The following GRB10 variants were observed in gnomAD, a reference collection of about 807,000 sequenced individuals.
GRB10 encodes growth factor receptor bound protein 10, also known as growth factor receptor-bound protein 10.
GRB10 carries 20 observed loss-of-function variants against 80.9 expected under a neutral mutation model. The ratio of observed to expected loss-of-function variants is 0.25; its 90% CI spans 0.17 to 0.36. The LOEUF (loss-of-function observed/expected upper bound fraction) is 0.36, where lower values mean the gene tolerates loss of function less well. GRB10 is among the 10% of genes least tolerant of loss of function. The pLI, the probability that GRB10 is intolerant of heterozygous loss-of-function variation, is 1.00. For missense variants in GRB10, 548 were observed against 747.7 expected (o/e 0.73, Z 3.12); for synonymous variants, 291 against 291.5 (o/e 1.00, Z 0.02).
At chr7:50,633,658 G>A (rs2529390) in intron 7 of GRB10, among the ~76,000 whole-genome samples, 79,860 of 151,574 alleles carry the variant, frequency 0.53, 21,154 homozygotes, top group Admixed American at 0.54. Context: ...AAAAAAACCA[G>A]AAGAGTAATT....
intron 2 of GRB10, among the ~76,000 whole-genome samples, chr7:50,780,004 A>C (rs1332920652): frequency 1.3e-5 from 2 of 152,166 alleles, no homozygotes; most frequent in African/African-American, 4.8e-5. Flanking sequence ...AGAAAGAAGC[A>C]AACGGGGCCA....
At chr7:50,755,000 T>C (rs1448698739) in intron 3 of GRB10, among the ~76,000 whole-genome samples, 1 of 152,188 alleles carries the variant, frequency 6.6e-6, no homozygotes, top group Non-Finnish European at 1.5e-5. Flanking sequence ...AACAGCCATG[T>C]GCAAGCCCAG....
chr7:50,599,797 C>T (rs1328476856), intron 17 of GRB10, among the ~76,000 whole-genome samples: 2 of 152,204 alleles, frequency 1.3e-5, no homozygotes, highest in African/African-American at 2.4e-5. Context: ...GGAAGCAAAA[C>T]GCTGACACAC....
At chr7:50,677,634 C>T (rs561794319) in intron 5 of GRB10, among the ~76,000 whole-genome samples, 2 of 152,360 alleles carry the variant, frequency 1.3e-5, no homozygotes, top group Admixed American at 1.3e-4. Flanking sequence ...TCCTACACTC[C>T]TATTTAGCTG....
intron 2 of GRB10, among the ~76,000 whole-genome samples, chr7:50,766,822 T>G (rs2076389340): frequency 6.6e-6 from 1 of 152,232 alleles, no homozygotes. Context: ...TCTATATCAT[T>G]AGTACATTCA....
intron 8 of GRB10, among the ~76,000 whole-genome samples, chr7:50,620,999 A>G (rs78313942): frequency 0.015 from 2,217 of 152,316 alleles, 46 homozygotes; most frequent in African/African-American, 0.051. Flanking sequence ...AAATAAGGAG[A>G]AATAAAAATG....
intron 2 of GRB10, among the ~76,000 whole-genome samples, chr7:50,770,111 T>C (rs1204503901): frequency 6.6e-6 from 1 of 152,194 alleles, no homozygotes; most frequent in Non-Finnish European, 1.5e-5. Context: ...CCTCAAATGC[T>C]GCTGCCCTGC....
chr7:50,699,372 A>G (rs544817943), intron 5 of GRB10, among the ~76,000 whole-genome samples: 1 of 152,324 alleles, frequency 6.6e-6, no homozygotes, highest in East Asian at 1.9e-4. Flanking sequence ...GTATGATGCA[A>G]TGTTGTAGGT....
chr7:50,739,936 T>C (rs911423280), intron 3 of GRB10, among the ~76,000 whole-genome samples: 1 of 152,156 alleles, frequency 6.6e-6, no homozygotes, highest in Non-Finnish European at 1.5e-5. Context: ...TTATGCCACC[T>C]CTTCCTGTGA....
chr7:50,678,302 T>G (rs1019873272), intron 5 of GRB10, among the ~76,000 whole-genome samples: 3 of 152,242 alleles, frequency 2.0e-5, no homozygotes, highest in Admixed American at 6.5e-5. Flanking sequence ...TACAACTATT[T>G]TCTACTTTAA....
intron 2 of GRB10, among the ~76,000 whole-genome samples, chr7:50,775,223 G>C (rs899606059): frequency 7.0e-6 from 1 of 143,108 alleles, no homozygotes; most frequent in African/African-American, 2.6e-5. Context: ...CATTACAAAA[G>C]GGAGAAATAG....
chr7:50,673,577 C>G (rs1025991728), intron 6 of GRB10, among the ~76,000 whole-genome samples: 19 of 152,088 alleles, frequency 1.2e-4, no homozygotes, highest in African/African-American at 4.1e-4. Context: ...TCAAATCCCC[C>G]CTCCTTCTTC....
At chr7:50,697,139 C>T (rs1417733743) in intron 5 of GRB10, among the ~76,000 whole-genome samples, 1 of 152,140 alleles carries the variant, frequency 6.6e-6, no homozygotes, top group East Asian at 1.9e-4. Flanking sequence ...TAGAGGTTAC[C>T]AGGGACTGGG....
intron 10 of GRB10, among the ~76,000 whole-genome samples, chr7:50,616,697 T>C (rs371985486): frequency 6.6e-6 from 1 of 151,956 alleles, no homozygotes; most frequent in African/African-American, 2.4e-5. Context: ...TGACAGTGAG[T>C]ATGTAGTGGC....
At chr7:50,688,160 C>T (rs756682195) in intron 5 of GRB10, among the ~76,000 whole-genome samples, 1 of 152,232 alleles carries the variant, frequency 6.6e-6, no homozygotes, top group Non-Finnish European at 1.5e-5. Flanking sequence ...CTAAAACACA[C>T]ACTCAGCACC....
intron 3 of GRB10, among the ~76,000 whole-genome samples, chr7:50,749,301 G>A (rs1210297812): frequency 2.0e-5 from 3 of 151,698 alleles, no homozygotes; most frequent in Non-Finnish European, 4.4e-5. Context: ...GCTAATTTTT[G>A]TATTTTTAGT....
chr7:50,618,281 T>C, intron 9 of GRB10, 142 bp from the exon 10 acceptor site: 1 of 707,168 alleles, frequency 1.4e-6, no homozygotes, highest in Non-Finnish European at 2.5e-6. Flanking sequence ...TCCTTTTTAT[T>C]CTCCTATCAC....
intron 5 of GRB10, among the ~76,000 whole-genome samples, chr7:50,682,722 G>A (rs1411135536): frequency 1.3e-5 from 2 of 152,168 alleles, no homozygotes; most frequent in Admixed American, 6.5e-5. Flanking sequence ...AATCAGAGAG[G>A]AAAGGTGGCC....
At chr7:50,681,221 GA>G (rs753130823) in intron 5 of GRB10, among the ~76,000 whole-genome samples, 3 of 152,202 alleles carry the variant, frequency 2.0e-5, no homozygotes, top group African/African-American at 4.8e-5. Flanking sequence ...CACAGCTCAT[GA>G]GCTGCCTGGC....
Sources: gnomAD v4.1 joint callset for allele counts (sites outside exome capture counted in the v4.1 genomes callset) on GRCh38, gnomAD v4.1.1 for gene constraint, MANE v1.5 for transcripts, NCBI Gene and HGNC (gene_info 2026-07-23, HGNC 2026-07-21) for gene names.